AMBRA1: variants seen among roughly 807,000 people sequenced by gnomAD.
AMBRA1 encodes autophagy and beclin 1 regulator 1.
AMBRA1 carries 47 observed loss-of-function variants against 125.4 expected under a neutral mutation model. That is an observed-to-expected ratio of 0.37 (90% confidence interval 0.30 to 0.48). AMBRA1 has a LOEUF of 0.48. Among genes scored for constraint, AMBRA1 ranks in the 20% least tolerant of loss-of-function variants. The pLI, the probability that AMBRA1 is intolerant of heterozygous loss-of-function variation, is 0.99. For synonymous variants in AMBRA1, 626 were observed against 655.5 expected (o/e 0.95, Z 0.69); for missense variants, 1,331 against 1,693.4 (o/e 0.79, Z 3.76).
chr11:46,433,631 G>GC lies in AMBRA1; in HGVS notation c.2822-4_2822-3insG. On this transcript the variant is annotated splice_polypyrimidine_tract_variant and splice_region_variant and intron_variant, in intron 13 of 17. Coordinates refer to ENST00000683756, the MANE Select transcript of AMBRA1 (RefSeq NM_001387011.1). ...GCTCACCGAAATGGCATTGGGACCT[G>GC]AGGGCCAACAAAACAGAGAAATATT... 1 of 1,612,016 alleles carries GC rather than the reference G, an allele frequency of 6.2e-7. No homozygotes were observed. Among genetic ancestry groups the GC allele is most frequent in the African/African-American group, 1.3e-5 (1 of 75,016 alleles).
At chr11:46,560,850 A>G (rs1472868779) in intron 1 of AMBRA1, among the ~76,000 whole-genome samples, 2 of 152,218 alleles carry the variant, frequency 1.3e-5, no homozygotes, top group Non-Finnish European at 2.9e-5. Flanking sequence ...CAGAGGCAAA[A>G]CAGCTTAACC....
chr11:46,488,489 G>GA, intron 11 of AMBRA1, among the ~76,000 whole-genome samples: 1 of 151,560 alleles, frequency 6.6e-6, no homozygotes, highest in Non-Finnish European at 1.5e-5. Flanking sequence ...AAATTGAAGG[G>GA]AAAAATACAC....
In AMBRA1 at chr11:46,508,253, G is replaced by C; in HGVS notation, c.2277C>G (p.Ser759=). Residue 759 remains serine, a synonymous_variant, in exon 9 of 18, where the codon TCC becomes TCG. Coordinates refer to ENST00000683756, the MANE Select transcript of AMBRA1 (RefSeq NM_001387011.1). ...ATGGACCCTGGTTGTCTGAGGAAGAGGAGGAGGTGGAAGAACGGAGACGGT... is the reference window on the plus strand; with the variant it reads ...ATGGACCCTGGTTGTCTGAGGAAGACGAGGAGGTGGAAGAACGGAGACGGT... ...QQNRLRSSTS[S]SSSDNQGPSV... The C allele has an allele frequency of 1.2e-6, 2 of 1,614,166 alleles. No homozygotes were observed. Among genetic ancestry groups the C allele is most frequent in the Non-Finnish European group, 1.7e-6 (2 of 1,179,964 alleles).
chr11:46,511,616 T>C (rs1951260330), intron 8 of AMBRA1, among the ~76,000 whole-genome samples: 1 of 152,196 alleles, frequency 6.6e-6, no homozygotes, highest in Non-Finnish European at 1.5e-5. Context: ...TAAATTACCC[T>C]TTTCTTTTGG....
chr11:46,545,409 A>G (rs1356827302), intron 5 of AMBRA1, among the ~76,000 whole-genome samples, 195 bp downstream of exon 5: 2 of 151,912 alleles, frequency 1.3e-5, no homozygotes, highest in Non-Finnish European at 2.9e-5. Context: ...TCGCAGTGAG[A>G]CAAGACTGCG....
At chr11:46,398,713 T>C (rs1945573904) in intron 17 of AMBRA1, among the ~76,000 whole-genome samples, 1 of 152,160 alleles carries the variant, frequency 6.6e-6, no homozygotes, top group Admixed American at 6.5e-5. Context: ...CCTGATCTCG[T>C]GATCTGCCCA....
chr11:46,529,224 C>T (rs1952110839), intron 7 of AMBRA1, among the ~76,000 whole-genome samples: 1 of 152,214 alleles, frequency 6.6e-6, no homozygotes, highest in African/African-American at 2.4e-5. Context: ...GAAGGTTGCT[C>T]TCATACTGCA....
chr11:46,415,148 G>C (rs1176367307), intron 15 of AMBRA1, among the ~76,000 whole-genome samples: 1 of 152,174 alleles, frequency 6.6e-6, no homozygotes, highest in Non-Finnish European at 1.5e-5. Context: ...CCAGGGATAG[G>C]CAGCTGCCTA....
chr11:46,563,709 G>GCACAC (rs1299074683), intron 1 of AMBRA1, among the ~76,000 whole-genome samples: 9 of 151,352 alleles, frequency 5.9e-5, no homozygotes, highest in Non-Finnish European at 1.3e-4. Context: ...GTATAGTGGT[G>GCACAC]CACACCTGTA....
chr11:46,520,750 C>T (rs1053081788), intron 7 of AMBRA1, among the ~76,000 whole-genome samples: 6 of 151,298 alleles, frequency 4.0e-5, no homozygotes, highest in African/African-American at 1.5e-4. Context: ...CGCCCACCAC[C>T]AAGCCCGGCT....
intron 11 of AMBRA1, 101 bp downstream of exon 11, chr11:46,493,507 A>T: frequency 3.2e-6 from 3 of 930,848 alleles, no homozygotes; most frequent in Non-Finnish European, 4.8e-6. Flanking sequence ...TTTCAGACAG[A>T]TGCCAAGACA....
chr11:46,573,056 G>A (rs962900244), intron 1 of AMBRA1, among the ~76,000 whole-genome samples: 3 of 149,680 alleles, frequency 2.0e-5, no homozygotes, highest in Admixed American at 1.3e-4. Context: ...AGCCAAGATC[G>A]CGCCATTGCA....
Position 46,543,394 on chromosome 11 carries a change from T to C in AMBRA1, c.623A>G (p.Asp208Gly), listed in dbSNP as rs2135172126. ...ATCTATGGGGATCTCTGGTTCGTCA[T>C]CACCCTGCAACGTGGACCAGCATGG... ...AIVNPSNQQGDDEPEIPIDGT... is the reference protein window; with the variant it reads ...AIVNPSNQQGGDEPEIPIDGT... Residue 208 changes from aspartate (D) to glycine (G), a missense_variant, in exon 7 of 18, where the codon GAT (aspartate) becomes GGT (glycine). Asp to Gly is a moderately conservative substitution (Grantham distance 94, BLOSUM62 -1). Transcript: ENST00000683756. 6.2e-7 allele frequency: 1 copy of C among 1,613,720 alleles called. No homozygotes were observed. Among genetic ancestry groups the C allele is most frequent in the Non-Finnish European group, 8.5e-7 (1 of 1,179,856 alleles).
At chr11:46,524,380 C>G (rs1211024802) in intron 7 of AMBRA1, among the ~76,000 whole-genome samples, 2 of 152,212 alleles carry the variant, frequency 1.3e-5, no homozygotes, top group African/African-American at 4.8e-5. Flanking sequence ...ACAGGACAGC[C>G]TCCCATGGTG....
chr11:46,466,973 A>G (rs1477477891), intron 11 of AMBRA1, among the ~76,000 whole-genome samples: 1 of 143,878 alleles, frequency 7.0e-6, no homozygotes, highest in Non-Finnish European at 1.5e-5. Flanking sequence ...GCTGGAGTGC[A>G]GTGGCACGAT....
intron 14 of AMBRA1, among the ~76,000 whole-genome samples, chr11:46,428,005 T>G (rs1947237497): frequency 2.2e-5 from 1 of 46,390 alleles, no homozygotes; most frequent in Non-Finnish European, 4.3e-5. Context: ...GGAGACTCCA[T>G]GTCAAAAAAA....
intron 14 of AMBRA1, among the ~76,000 whole-genome samples, chr11:46,420,936 T>C (rs774191684): frequency 2.0e-5 from 3 of 152,164 alleles, no homozygotes; most frequent in Non-Finnish European, 4.4e-5. Flanking sequence ...CTGCGTTTTT[T>C]AAATGGGGGT....
chr11:46,423,757 ATTTTTTTTTT>A (rs538298573), intron 14 of AMBRA1, among the ~76,000 whole-genome samples: 3 of 98,904 alleles, frequency 3.0e-5, no homozygotes, highest in African/African-American at 4.4e-5. Flanking sequence ...CAGTGCACCC[ATTTTTTTTTT>A]TTTTTTTTTT....
At chr11:46,580,306 C>T (rs1310131744) in intron 1 of AMBRA1, among the ~76,000 whole-genome samples, 2 of 152,166 alleles carry the variant, frequency 1.3e-5, no homozygotes, top group East Asian at 3.8e-4. Context: ...TCATCCATTT[C>T]CCTTGGTTGT....
Sources: allele counts gnomAD v4.1 joint callset (sites outside exome capture counted in the v4.1 genomes callset), GRCh38; gene constraint gnomAD v4.1.1; transcripts MANE v1.5; gene names NCBI Gene and HGNC (gene_info 2026-07-23, HGNC 2026-07-21).